Variants in CNTN5 observed in about 807,000 individuals in gnomAD.
The protein encoded by CNTN5 is contactin 5.
In CNTN5, 77 loss-of-function variants were observed where a neutral mutation model predicts 129.1. That is an observed-to-expected ratio of 0.60 (90% confidence interval 0.50 to 0.72). The LOEUF is 0.72. CNTN5 is among the 30% of genes least tolerant of loss of function. The probability of loss-of-function intolerance (pLI) is 0.00; values close to 1 mark genes in which losing one functional copy is unlikely to be tolerated. For missense variants in CNTN5, 1,478 were observed against 1,328.8 expected, an observed-to-expected ratio of 1.11 and a Z score of -1.75; for synonymous variants, 509 against 465.6, an observed-to-expected ratio of 1.09 and a Z score of -1.20.
intron 2 of CNTN5, among the ~76,000 whole-genome samples, chr11:99,480,520 G>C (rs1945552223): frequency 6.6e-6 from 1 of 152,092 alleles, no homozygotes; most frequent in South Asian, 2.1e-4. Flanking sequence ...ACAATGGCTG[G>C]AATAATTATG....
intron 3 of CNTN5, among the ~76,000 whole-genome samples, chr11:99,666,108 T>C (rs924553447): frequency 3.6e-4 from 55 of 152,038 alleles, no homozygotes; most frequent in African/African-American, 1.3e-3. Context: ...GCTAGAATTA[T>C]AGGTATGTGT....
intron 2 of CNTN5, among the ~76,000 whole-genome samples, chr11:99,508,151 C>T (rs948545248): frequency 6.6e-6 from 1 of 152,102 alleles, no homozygotes; most frequent in African/African-American, 2.4e-5. Context: ...GAAGAAAGAA[C>T]GTAGGCTTGG....
At chr11:99,639,232 C>G (rs1193205976) in intron 3 of CNTN5, among the ~76,000 whole-genome samples, 1 of 152,158 alleles carries the variant, frequency 6.6e-6, no homozygotes, top group Non-Finnish European at 1.5e-5. Context: ...GGCTGGGACA[C>G]AGAGCACCAA....
chr11:99,363,780 A>C lies in CNTN5; in HGVS notation c.-71+38296A>C, dbSNP rs186319900. 6.5e-3 allele frequency among the ~76,000 whole-genome samples: 988 copies of C among 152,274 alleles called. 6 individuals carry two copies. The highest frequency in any genetic ancestry group is 0.017 in the Middle Eastern group (5 of 294). ...GCAAACCAATAATTGTGAACAAATA[A>C]TAAGTTTCATTGCAGTTATAAGTAA... is the stretch of plus-strand genomic sequence containing the variant. On this transcript the variant is annotated intron_variant, in intron 2 of 24. Coordinates refer to ENST00000524871, the MANE Select transcript of CNTN5 (RefSeq NM_014361.4).
At chr11:99,899,301 C>A (rs550876713) in intron 6 of CNTN5, among the ~76,000 whole-genome samples, 1 of 152,016 alleles carries the variant, frequency 6.6e-6, no homozygotes, top group Admixed American at 6.5e-5. Context: ...CTTGTCTTTT[C>A]CCAGTTCTTA....
At chr11:100,184,315 A>G (rs1948230148) in intron 13 of CNTN5, among the ~76,000 whole-genome samples, 1 of 152,200 alleles carries the variant, frequency 6.6e-6, no homozygotes, top group Non-Finnish European at 1.5e-5. Context: ...GCTTAAGATC[A>G]CACATAGAGT....
Position 100,355,144 on chromosome 11 carries a change from A to G in CNTN5, c.3200-973A>G, listed in dbSNP as rs1952493473. Among the ~76,000 whole-genome samples, 3 of 151,818 alleles carry G rather than the reference A, an allele frequency of 2.0e-5. 1 individual carries two copies. In the South Asian group the frequency reaches 6.2e-4, roughly 31 times the overall value. ...AACACTTAAAACATACATAATACAG[A>G]TTAAAAAAACATTTTCTTTATATCT... is the stretch of plus-strand genomic sequence containing the variant. On this transcript the variant is annotated intron_variant, in intron 24 of 24. Transcript: ENST00000524871.
chr11:100,149,598 G>A (rs1015294868), intron 13 of CNTN5, among the ~76,000 whole-genome samples: 4 of 152,046 alleles, frequency 2.6e-5, no homozygotes, highest in African/African-American at 9.7e-5. Context: ...AATGATATTA[G>A]GAATCTCATG....
At chr11:100,259,844 G>A (rs1950159551) in intron 17 of CNTN5, among the ~76,000 whole-genome samples, 1 of 151,548 alleles carries the variant, frequency 6.6e-6, no homozygotes, top group African/African-American at 2.4e-5. Context: ...GAGAAAGCGG[G>A]AAAGATCTAA....
At position 99,710,681 on chromosome 11, in the gene CNTN5, T is replaced by A. The variant is rs190657858; in HGVS notation, c.56-108863T>A. ...TTTTTTAGATACGCAATCTCACATG[T>A]TGGGGAGTAAAAAAATGACTACACA... On this transcript the variant is annotated intron_variant, in intron 3 of 24. Transcript: ENST00000524871. 1.5e-4 allele frequency among the ~76,000 whole-genome samples: 23 copies of A among 151,452 alleles called. No individual in the cohort carries two copies. The East Asian group carries it at 4.5e-3, about 30-fold the overall frequency.
chr11:99,460,153 A>G (rs546753334), intron 2 of CNTN5, among the ~76,000 whole-genome samples: 1 of 151,922 alleles, frequency 6.6e-6, no homozygotes, highest in Admixed American at 6.6e-5. Flanking sequence ...CAGGACATGC[A>G]AACATCAGAA....
chr11:99,636,495 A>G (rs1951561183), intron 3 of CNTN5, among the ~76,000 whole-genome samples: 1 of 151,590 alleles, frequency 6.6e-6, no homozygotes, highest in South Asian at 2.1e-4. Context: ...TGTACCAATG[A>G]CCTTTCTTTT....
chr11:99,175,648 T>C (rs1485705775), intron 1 of CNTN5, among the ~76,000 whole-genome samples: 1 of 152,144 alleles, frequency 6.6e-6, no homozygotes, highest in African/African-American at 2.4e-5. Context: ...TCTTCTTCTT[T>C]CTGCCAGAGA....
At chr11:99,053,913 A>G (rs1304145430) in intron 1 of CNTN5, among the ~76,000 whole-genome samples, 2 of 152,012 alleles carry the variant, frequency 1.3e-5, no homozygotes, top group Admixed American at 6.6e-5. Flanking sequence ...CTCCAAAATA[A>G]TATATCAATC....
intron 21 of CNTN5, chr11:100,309,488 A>C (rs963833229): frequency 1.0e-6 from 1 of 968,252 alleles, no homozygotes; most frequent in Non-Finnish European, 1.2e-6. Context: ...CTACTTATAC[A>C]ATATCATGGA....
intron 6 of CNTN5, among the ~76,000 whole-genome samples, chr11:99,892,984 C>T (rs983417102): frequency 6.6e-6 from 1 of 151,988 alleles, no homozygotes; most frequent in Admixed American, 6.6e-5. Context: ...AATATAACTC[C>T]TAAATATATT....
chr11:99,207,773 G>T (rs1355575592), intron 1 of CNTN5, among the ~76,000 whole-genome samples: 1 of 152,154 alleles, frequency 6.6e-6, no homozygotes, highest in East Asian at 1.9e-4. Flanking sequence ...ACTTTAAAAA[G>T]TAGTCTGCAT....
chr11:99,046,645 T>C (rs1864222404), intron 1 of CNTN5, among the ~76,000 whole-genome samples: 1 of 152,076 alleles, frequency 6.6e-6, no homozygotes. Flanking sequence ...CTTCATGAGG[T>C]TTTTGTTTAT....
At chr11:99,443,952 C>G (rs1163940612) in intron 2 of CNTN5, among the ~76,000 whole-genome samples, 1 of 152,132 alleles carries the variant, frequency 6.6e-6, no homozygotes, top group Admixed American at 6.5e-5. Flanking sequence ...AATCCCAGCA[C>G]TTTGGGAGGC....
Sources: allele counts gnomAD v4.1 joint callset (sites outside exome capture counted in the v4.1 genomes callset), GRCh38; gene constraint gnomAD v4.1.1; transcripts MANE v1.5; gene names NCBI Gene and HGNC (gene_info 2026-07-23, HGNC 2026-07-21).